The following MS4A10 variants were observed in gnomAD, a reference collection of about 807,000 sequenced individuals.
MS4A10 encodes membrane-spanning 4-domains subfamily A member 10.
In MS4A10, 27 loss-of-function variants were observed where a neutral mutation model predicts 27.7. The observed-to-expected ratio is 0.98, with a 90% CI of 0.72 to 1.35. The LOEUF is 1.35. Ranked by LOEUF, MS4A10 falls within the 40% of genes most tolerant of loss-of-function variation. MS4A10 has a pLI of 0.00. For synonymous variants in MS4A10, 139 were observed against 131.2 expected, an observed-to-expected ratio of 1.06 and a Z score of -0.41; for missense variants, 338 against 324.7, an observed-to-expected ratio of 1.04 and a Z score of -0.32.
intron 1 of MS4A10, 130 bp from the exon 2 acceptor site, chr11:60,790,184 G>C: frequency 1.4e-6 from 1 of 719,216 alleles, no homozygotes; most frequent in South Asian, 1.9e-5. Flanking sequence ...AAGACCAGGG[G>C]CTGCCAGACA....
At position 60,791,032 on chromosome 11, in the gene MS4A10, T is replaced by C. The variant is rs751487073; in HGVS notation, c.242T>C (p.Ile81Thr). The change falls in exon 3 of 8, where the codon ATA becomes ACA. Residue 81 changes from isoleucine (I) to threonine (T), a missense_variant. Coordinates refer to ENST00000308287, the MANE Select transcript of MS4A10 (RefSeq NM_206893.4). ...GTCTTTGGGGGCTACCTGGCCTCTA[T>C]AGTCAAGAACCTTCACCTGGTGGTG... The part of the protein sequence containing the change: ...HLVFGGYLAS[I>T]VKNLHLVVLK... 41 of 1,614,044 alleles carry C rather than the reference T, an allele frequency of 2.5e-5. No homozygotes were observed. The Admixed American group carries it at 5.7e-4, about 22-fold the overall frequency.
Position 60,798,456 on chromosome 11 carries a change from C to A in MS4A10, c.664C>A (p.Pro222Thr), listed in dbSNP as rs1854569008. ...GCATCTCAAAGGCCTGCCGGTGGAGCCCCCGCCATCCTACCAGAGTGTGAT... is the reference window on the plus strand; with the variant it reads ...GCATCTCAAAGGCCTGCCGGTGGAGACCCCGCCATCCTACCAGAGTGTGAT... ...PLHLKGLPVE[P>T]PPSYQSVIQG... The change falls in exon 7 of 8, where the codon CCC becomes ACC. Residue 222 changes from proline (P) to threonine (T), a missense_variant. Transcript: ENST00000308287. 1 of 1,613,648 alleles carries A rather than the reference C, an allele frequency of 6.2e-7. No individual in the cohort carries two copies. Among genetic ancestry groups the A allele is most frequent in the South Asian group, 1.1e-5 (1 of 91,070 alleles).
chr11:60,790,404 C>T lies in MS4A10; in HGVS notation c.69C>T (p.Ser23=). ...GGCTCCCATCATGGCAAGTCCTCAG[C>T]CCAGTCCAGCCCTGGCAGACAAGTG... The part of the protein sequence containing the change: ...ARGLPSWQVL[S]PVQPWQTSAP... The change falls in exon 2 of 8, where the codon AGC becomes AGT. Residue 23 remains serine, a synonymous_variant. Transcript: ENST00000308287. The T allele has an allele frequency of 6.2e-7, 1 of 1,614,202 alleles. No homozygotes were observed. The highest frequency in any genetic ancestry group is 1.3e-5 in the African/African-American group (1 of 75,068).
intron 1 of MS4A10, among the ~76,000 whole-genome samples, chr11:60,787,742 G>A (rs1388722662): frequency 1.3e-5 from 2 of 152,176 alleles, no homozygotes; most frequent in South Asian, 4.1e-4. Context: ...GGCCAGCCGG[G>A]CGCAGTGGCT....
chr11:60,798,433 A>G lies in MS4A10; in HGVS notation c.641A>G (p.His214Arg). ...DACLVPNTPL[H>R]LKGLPVEPPP... ...TGCCTTGTTCCGAATACACCATTGC[A>G]TCTCAAAGGCCTGCCGGTGGAGCCC... The change falls in exon 7 of 8, where the codon CAT (histidine) becomes CGT (arginine). Residue 214 changes from histidine to arginine, a missense_variant. By Grantham distance (29) the His-to-Arg change is conservative (BLOSUM62 0). Coordinates refer to ENST00000308287, the MANE Select transcript of MS4A10 (RefSeq NM_206893.4). 1.2e-6 allele frequency: 2 copies of G among 1,614,160 alleles called. No individual in the cohort carries two copies. The highest frequency in any genetic ancestry group is 8.5e-7 in the Non-Finnish European group (1 of 1,179,994).
Position 60,791,020 on chromosome 11 carries a change from A to T in MS4A10, c.230A>T (p.Tyr77Phe), listed in dbSNP as rs1459311090. 6.2e-7 allele frequency: 1 copy of T among 1,614,146 alleles called. No individual in the cohort carries two copies. The highest frequency in any genetic ancestry group is 1.7e-5 in the Admixed American group (1 of 60,028). The change falls in exon 3 of 8, where the codon TAC (tyrosine) becomes TTC (phenylalanine). Residue 77 changes from tyrosine (Y) to phenylalanine (F), a missense_variant. Tyr to Phe is a conservative substitution (Grantham distance 22). Transcript: ENST00000308287. ...CTGCTGCACCTGGTCTTTGGGGGCT[A>T]CCTGGCCTCTATAGTCAAGAACCTT... is the stretch of plus-strand genomic sequence containing the variant. Reference protein sequence around the residue: ...IALLHLVFGGYLASIVKNLHL... With the variant: ...IALLHLVFGGFLASIVKNLHL...
chr11:60,798,209 T>C (rs1854563671), intron 6 of MS4A10, among the ~76,000 whole-genome samples, 187 bp from the exon 7 acceptor site: 1 of 152,144 alleles, frequency 6.6e-6, no homozygotes, highest in South Asian at 2.1e-4. Flanking sequence ...TACTCCCTTT[T>C]CAAGAACAGG....
intron 3 of MS4A10, among the ~76,000 whole-genome samples, chr11:60,791,405 C>T (rs550614281): frequency 7.9e-5 from 12 of 152,332 alleles, no homozygotes; most frequent in South Asian, 2.1e-4. Flanking sequence ...CTTCATTCTT[C>T]CCCAGCCTTC....
intron 1 of MS4A10, among the ~76,000 whole-genome samples, chr11:60,785,993 G>T (rs1196983281): frequency 6.6e-6 from 1 of 152,048 alleles, no homozygotes; most frequent in African/African-American, 2.4e-5. Flanking sequence ...CCAGGAGGAG[G>T]CTGGTTCAGT....
chr11:60,791,133 G>A lies in MS4A10; in HGVS notation c.303+40G>A, dbSNP rs199566620. The stretch of plus-strand genomic sequence containing the variant: ...AAACACAGACCGGGTGTGGGAGTCT[G>A]CAAGGCAGGCCTGGGAGGCCCTGGC... On this transcript the variant is annotated intron_variant, in intron 3 of 7. Transcript: ENST00000308287. The A allele has an allele frequency of 1.7e-5, 28 of 1,609,566 alleles. No individual in the cohort carries two copies. The Admixed American group carries it at 3.5e-4, about 20-fold the overall frequency.
chr11:60,798,288 T>C (rs537152335), intron 6 of MS4A10, 108 bp from the exon 7 acceptor site: 1 of 838,562 alleles, frequency 1.2e-6, no homozygotes, highest in Admixed American at 2.0e-5. Flanking sequence ...TTTCCCCACA[T>C]TCATGGAGAA....
chr11:60,790,234 G>C, intron 1 of MS4A10, 80 bp from the exon 2 acceptor site: 1 of 1,207,120 alleles, frequency 8.3e-7, no homozygotes, highest in Non-Finnish European at 1.2e-6. Flanking sequence ...CCCTTAAACA[G>C]AGGTGATTGG....
intron 6 of MS4A10, among the ~76,000 whole-genome samples, chr11:60,797,603 T>C (rs1370001169): frequency 6.6e-6 from 1 of 152,144 alleles, no homozygotes; most frequent in African/African-American, 2.4e-5. Flanking sequence ...AGGACCCTTA[T>C]CATCATACTG....
At chr11:60,790,847 CT>C in intron 2 of MS4A10, 126 bp from the exon 3 acceptor site, 1 of 1,361,028 alleles carries the variant, frequency 7.3e-7, no homozygotes, top group Non-Finnish European at 1.0e-6. Context: ...CTTAGAGAGC[CT>C]GGTCTCTGGG....
At chr11:60,788,806 C>A (rs936455797) in intron 1 of MS4A10, among the ~76,000 whole-genome samples, 1 of 152,242 alleles carries the variant, frequency 6.6e-6, no homozygotes, top group African/African-American at 2.4e-5. Context: ...AGGCCCAGAG[C>A]ACTGGCGATG....
Position 60,800,638 on chromosome 11 carries a change from G to A in MS4A10, c.*729G>A, listed in dbSNP as rs143682759. 1 of 152,422 alleles carries A rather than the reference G, an allele frequency of 6.6e-6. No individual in the cohort carries two copies. Among genetic ancestry groups the A allele is most frequent in the African/African-American group, 2.4e-5 (1 of 41,564 alleles). The allele number at this position is 152,422 out of a possible 1,614,324, so 9.4% of individuals were successfully genotyped here. ...GGCTGTGGTCACTAGCTTGGCCATAGCACCTCTCTTCTCCACTTCTGATCT... is the reference window on the plus strand; with the variant it reads ...GGCTGTGGTCACTAGCTTGGCCATAACACCTCTCTTCTCCACTTCTGATCT... On this transcript the variant is annotated 3_prime_UTR_variant, in exon 8 of 8. Transcript: ENST00000308287.
chr11:60,792,944 TG>T (rs768491001), intron 4 of MS4A10, among the ~76,000 whole-genome samples: 11 of 152,232 alleles, frequency 7.2e-5, no homozygotes, highest in Non-Finnish European at 1.6e-4. Context: ...AAATTATTTC[TG>T]GGCAGAATGT....
chr11:60,794,589 CT>C (rs1184874494), intron 5 of MS4A10, among the ~76,000 whole-genome samples: 5 of 152,326 alleles, frequency 3.3e-5, no homozygotes, highest in Admixed American at 3.3e-4. Context: ...GCCTGGTGCT[CT>C]TTTCACCATA....
At chr11:60,794,349 G>A (rs187056621) in intron 5 of MS4A10, among the ~76,000 whole-genome samples, 2 of 152,346 alleles carry the variant, frequency 1.3e-5, no homozygotes, top group African/African-American at 4.8e-5. Context: ...CCAGAGACGG[G>A]GAGGAGCCTG....
Sources: allele counts gnomAD v4.1 joint callset (sites outside exome capture counted in the v4.1 genomes callset), GRCh38; gene constraint gnomAD v4.1.1; transcripts MANE v1.5; gene names NCBI Gene and HGNC (gene_info 2026-07-23, HGNC 2026-07-21).